RASAL1: variants seen among roughly 807,000 people sequenced by gnomAD.
The protein encoded by RASAL1 is rasGAP-activating-like protein 1.
In RASAL1, 72 loss-of-function variants were observed where a neutral mutation model predicts 96.6. The observed-to-expected ratio is 0.75, with a 90% CI of 0.62 to 0.91. The LOEUF is 0.91. Among genes scored for constraint, RASAL1 ranks in the 40% least tolerant of loss-of-function variants. The pLI is 0.00. For synonymous variants in RASAL1, 405 were observed against 430.4 expected (o/e 0.94, Z 0.73); for missense variants, 1,016 against 1,072.5 (o/e 0.95, Z 0.74).
At chr12:113,127,268 C>T (rs1454127323) in intron 4 of RASAL1, among the ~76,000 whole-genome samples, 1 of 152,088 alleles carries the variant, frequency 6.6e-6, no homozygotes, top group Non-Finnish European at 1.5e-5. Flanking sequence ...AAGAAGCTGA[C>T]AATGCCAGGA....
chr12:113,135,705 A>AG lies in RASAL1; in HGVS notation c.-244dup, dbSNP rs1951889682. On this transcript the variant is annotated 5_prime_UTR_variant, in exon 1 of 21. Coordinates refer to ENST00000548055, the MANE Select transcript of RASAL1 (RefSeq NM_001301202.2). This position sits in a 1 kb window ranked among gnomAD's most constrained non-coding sequence, Gnocchi z 5.7. ...CGTGCTCCGAGCAGGAGGAGCGCGC[A>AG]GGGGGCGCAGCGGGCTCTTGCCGAG... The AG allele has an allele frequency of 1.4e-5, 3 of 215,238 alleles. No homozygotes were observed. The highest frequency in any genetic ancestry group is 7.7e-5 in the African/African-American group (3 of 39,208). The allele number at this position is 215,238 out of a possible 1,614,324, so 13.3% of individuals were successfully genotyped here. A position where few individuals can be genotyped will look rare whatever the true frequency, so the allele number is the denominator to read the frequency against.
rs575175875 is a variant in RASAL1 at position 113,115,064 on chromosome 12, C to T, written c.1068+136G>A. 67 of 1,137,324 alleles carry T rather than the reference C, an allele frequency of 5.9e-5. No individual in the cohort carries two copies. In the African/African-American group the frequency reaches 6.3e-4, roughly 11 times the overall value. 70.5% of individuals were successfully genotyped at this position (1,137,324 alleles called of 1,614,324 possible). On this transcript the variant is annotated intron_variant, in intron 11 of 20. Transcript: ENST00000548055. The surrounding 1 kb of genome is among the most constrained non-coding windows in gnomAD (Gnocchi z 4.1). Reference sequence around the variant, plus strand: ...ATCCAGGTGCAACTCAGGGCAAGGCCGGGCACCAGCCGCCAGCACTGCAGC... The same window carrying T: ...ATCCAGGTGCAACTCAGGGCAAGGCTGGGCACCAGCCGCCAGCACTGCAGC...
intron 1 of RASAL1, among the ~76,000 whole-genome samples, chr12:113,134,735 G>A (rs1267895080): frequency 6.6e-6 from 1 of 152,156 alleles, no homozygotes; most frequent in Non-Finnish European, 1.5e-5. Context: ...GTAGTGAAGG[G>A]AGCCGTAGGG....
intron 4 of RASAL1, among the ~76,000 whole-genome samples, chr12:113,122,459 GACTACAGATGTAT>G (rs970816951): frequency 6.6e-6 from 1 of 152,120 alleles, no homozygotes; most frequent in African/African-American, 2.4e-5. Flanking sequence ...CAGTAACTTG[GACTACAGATGTAT>G]ACCACCACAG....
At chr12:113,106,948 C>T (rs1355923339) in intron 15 of RASAL1, 149 bp downstream of exon 15, 3 of 913,844 alleles carry the variant, frequency 3.3e-6, no homozygotes, top group Admixed American at 2.7e-5. Flanking sequence ...TCTCTGGGGC[C>T]TAGCACAGTA....
At chr12:113,114,967 C>G in intron 11 of RASAL1, 55 bp from the exon 12 acceptor site, 1 of 1,431,142 alleles carries the variant, frequency 7.0e-7, no homozygotes, top group South Asian at 1.2e-5. Context: ...CGGGGCATGC[C>G]CATGAGCTGG....
At chr12:113,123,298 T>C (rs540598901) in intron 4 of RASAL1, among the ~76,000 whole-genome samples, 42 of 152,328 alleles carry the variant, frequency 2.8e-4, no homozygotes, top group African/African-American at 9.4e-4. Flanking sequence ...CATTTCCTTG[T>C]GTGTTTGCTG....
Position 113,119,452 on chromosome 12 carries a change from A to G in RASAL1, c.429-9T>C, listed in dbSNP as rs921739084. Reference sequence around the variant, plus strand: ...CTCTGGGAGCCAGGTCCCTGGGAACAGATGGGGAAAGGAGTGAGGAAACAC... The same window carrying G: ...CTCTGGGAGCCAGGTCCCTGGGAACGGATGGGGAAAGGAGTGAGGAAACAC... On this transcript the variant is annotated splice_polypyrimidine_tract_variant and intron_variant, in intron 5 of 20. Coordinates refer to ENST00000548055, the MANE Select transcript of RASAL1 (RefSeq NM_001301202.2). 1.3e-6 allele frequency: 2 copies of G among 1,597,520 alleles called. No homozygotes were observed. Among genetic ancestry groups the G allele is most frequent in the African/African-American group, 2.7e-5 (2 of 74,468 alleles).
At chr12:113,128,653 G>A (rs1255963649) in intron 2 of RASAL1, among the ~76,000 whole-genome samples, 2 of 151,576 alleles carry the variant, frequency 1.3e-5, no homozygotes, top group Non-Finnish European at 1.5e-5. Context: ...ACACACACAC[G>A]GATTCACACT....
chr12:113,106,213 G>A (rs1592892626), intron 15 of RASAL1, among the ~76,000 whole-genome samples: 1 of 152,162 alleles, frequency 6.6e-6, no homozygotes, highest in East Asian at 1.9e-4. Flanking sequence ...CATGCTCAGG[G>A]AGCCAGGACA....
chr12:113,115,018 C>T lies in RASAL1; in HGVS notation c.1069-106G>A, dbSNP rs1951022917. On this transcript the variant is annotated intron_variant, in intron 11 of 20. Transcript: ENST00000548055. The surrounding 1 kb of genome is among the most constrained non-coding windows in gnomAD (Gnocchi z 4.1). Reference sequence around the variant, plus strand: ...TGCAGGAAGAGGTTCAGAGAGAGGCCAGGGCTGGGGTAGGGGACACATCCA... The same window carrying T: ...TGCAGGAAGAGGTTCAGAGAGAGGCTAGGGCTGGGGTAGGGGACACATCCA... The T allele has an allele frequency of 8.9e-7, 1 of 1,124,086 alleles. No homozygotes were observed. Among genetic ancestry groups the T allele is most frequent in the Admixed American group, 1.7e-5 (1 of 58,538 alleles). The allele number at this position is 1,124,086 out of a possible 1,614,324, so 69.6% of individuals were successfully genotyped here.
At chr12:113,134,070 G>C (rs1951819738) in intron 1 of RASAL1, among the ~76,000 whole-genome samples, 1 of 152,204 alleles carries the variant, frequency 6.6e-6, no homozygotes. Context: ...CAGGCATCCA[G>C]CCTGGCCTCA....
intron 13 of RASAL1, among the ~76,000 whole-genome samples, chr12:113,111,780 G>A (rs768393420): frequency 2.0e-5 from 3 of 152,024 alleles, no homozygotes; most frequent in Non-Finnish European, 4.4e-5. Flanking sequence ...TTTTAGTAGA[G>A]ACAGGGTTTC....
chr12:113,119,861 C>A (rs1047152972), intron 5 of RASAL1, among the ~76,000 whole-genome samples: 24 of 152,210 alleles, frequency 1.6e-4, no homozygotes, highest in African/African-American at 5.8e-4. Context: ...TCTAAGTCTT[C>A]ATTTCCTTAC....
Position 113,115,033 on chromosome 12 carries a change from G to T in RASAL1, c.1069-121C>A. Reference sequence around the variant, plus strand: ...AGAGAGAGGCCAGGGCTGGGGTAGGGGACACATCCAGGTGCAACTCAGGGC... The same window carrying T: ...AGAGAGAGGCCAGGGCTGGGGTAGGTGACACATCCAGGTGCAACTCAGGGC... On this transcript the variant is annotated intron_variant, in intron 11 of 20. Transcript: ENST00000548055. The surrounding 1 kb of genome is among the most constrained non-coding windows in gnomAD (Gnocchi z 4.1). 1.9e-6 allele frequency: 2 copies of T among 1,073,404 alleles called. No individual in the cohort carries two copies. Among genetic ancestry groups the T allele is most frequent in the Non-Finnish European group, 2.9e-6 (2 of 699,960 alleles). The allele number at this position is 1,073,404 out of a possible 1,614,324, so 66.5% of individuals were successfully genotyped here. A position where few individuals can be genotyped will look rare whatever the true frequency, so the allele number is the denominator to read the frequency against.
intron 12 of RASAL1, 40 bp from the exon 13 acceptor site, chr12:113,112,318 C>A (rs1320235224): frequency 8.0e-7 from 1 of 1,244,934 alleles, no homozygotes; most frequent in Non-Finnish European, 1.0e-6. Flanking sequence ...CGGGGCACAA[C>A]ATCTGCCTGC....
At chr12:113,114,936 G>T (rs1375907063) in intron 11 of RASAL1, 24 bp from the exon 12 acceptor site, 1 of 1,586,628 alleles carries the variant, frequency 6.3e-7, no homozygotes, top group Non-Finnish European at 8.6e-7. Context: ...GCACCACACG[G>T]GGTGGGGCTG....
In RASAL1 at chr12:113,119,404, T is replaced by C. The variant is rs763678703; in HGVS notation, c.468A>G (p.Pro156=). 1.2e-6 allele frequency: 2 copies of C among 1,610,488 alleles called. No homozygotes were observed. The highest frequency in any genetic ancestry group is 3.3e-5 in the Admixed American group (2 of 59,756). Residue 156 remains proline, a synonymous_variant, in exon 6 of 21, where the codon CCA becomes CCG. Coordinates refer to ENST00000548055, the MANE Select transcript of RASAL1 (RefSeq NM_001301202.2). ...APRDISGTSD[P]FARVFWGSQS... The stretch of plus-strand genomic sequence containing the variant: ...GGCTGCCCCAAAACACACGTGCAAA[T>C]GGGTCAGATGTGCCAGAGATGTCTC...
At chr12:113,128,035 C>G (rs974447124) in intron 3 of RASAL1, 30 bp downstream of exon 3, 3 of 1,606,606 alleles carry the variant, frequency 1.9e-6, no homozygotes, top group Non-Finnish European at 2.6e-6. Context: ...GGTCCCTAAC[C>G]CACACATTCC....
Sources: gnomAD v4.1 joint callset for allele counts (sites outside exome capture counted in the v4.1 genomes callset) on GRCh38, gnomAD v4.1.1 for gene constraint, Gnocchi (gnomAD v3.1) non-coding constraint, MANE v1.5 for transcripts, NCBI Gene and HGNC (gene_info 2026-07-23, HGNC 2026-07-21) for gene names.